COL4A2: variants seen among roughly 807,000 people sequenced by gnomAD.
COL4A2 encodes collagen type IV alpha 2 chain, also known as collagen alpha-2(IV) chain.
Under a neutral mutation model 200.2 loss-of-function variants are expected in COL4A2, and 99 were observed. The observed-to-expected ratio is 0.49, with a 90% CI of 0.42 to 0.58. The LOEUF is 0.58. Ranked by LOEUF, COL4A2 falls within the 20% of genes least tolerant of loss-of-function variation. COL4A2 has a pLI of 0.00. For synonymous variants in COL4A2, 897 were observed against 900.6 expected, an observed-to-expected ratio of 1.00 and a Z score of 0.07; for missense variants, 1,950 against 2,314.1, an observed-to-expected ratio of 0.84 and a Z score of 3.23.
intron 4 of COL4A2, among the ~76,000 whole-genome samples, chr13:110,379,890 G>A (rs927269619): frequency 1.3e-5 from 2 of 152,042 alleles, no homozygotes; most frequent in Non-Finnish European, 2.9e-5. Flanking sequence ...TTAGCAACCC[G>A]CTCCGCCTTG....
chr13:110,347,779 C>T (rs1876773973), intron 3 of COL4A2, among the ~76,000 whole-genome samples: 1 of 152,254 alleles, frequency 6.6e-6, no homozygotes, highest in South Asian at 2.1e-4. Context: ...GTGTGGAAAA[C>T]ACCCAGACAT....
rs1252712658 is a variant in COL4A2 at position 110,508,104 on chromosome 13, C to T, written c.4764C>T (p.Ser1588=). ...VAEDEIKPYI[S]RCSVCEAPAI... ...AGGACGAGATCAAGCCCTACATCAG[C>T]CGCTGTTCTGTGTGTGAGGCCCCGG... Residue 1588 remains serine (S), a synonymous_variant, in exon 47 of 48, where the codon AGC becomes AGT. Coordinates refer to ENST00000360467, the MANE Select transcript of COL4A2 (RefSeq NM_001846.4). The surrounding 1 kb of genome is among the most constrained non-coding windows in gnomAD (Gnocchi z 6.1). 2 of 1,614,152 alleles carry T rather than the reference C, an allele frequency of 1.2e-6. No homozygotes were observed. The highest frequency in any genetic ancestry group is 2.2e-5 in the East Asian group (1 of 44,900).
Position 110,485,522 on chromosome 13 carries a change from CAAAAAAAAAAAAAA to C in COL4A2, c.3026-122_3026-109del, listed in dbSNP as rs34819988. ...TGGGCGACAGAGCGAGACTCCGTCT[CAAAAAAAAAAAAAA>C]AAAAAAAAAAGATTCACAGCACGTA... On this transcript the variant is annotated intron_variant, in intron 33 of 47. Transcript: ENST00000360467. 1.8e-4 allele frequency: 66 copies of C among 360,062 alleles called. No homozygotes were observed. In the African/African-American group the frequency reaches 2.2e-3, roughly 12 times the overall value. The allele number at this position is 360,062 out of a possible 1,614,324, so 22.3% of individuals were successfully genotyped here.
chr13:110,393,789 G>A (rs1300474475), intron 4 of COL4A2, among the ~76,000 whole-genome samples: 1 of 152,098 alleles, frequency 6.6e-6, no homozygotes, highest in Non-Finnish European at 1.5e-5. Context: ...GGAAGCAAGA[G>A]AATCACTTGA....
At chr13:110,441,783 A>G (rs964050144) in intron 16 of COL4A2, among the ~76,000 whole-genome samples, 3 of 152,124 alleles carry the variant, frequency 2.0e-5, no homozygotes, top group African/African-American at 7.2e-5. Flanking sequence ...TCTTCAACAC[A>G]AGGGACTTGT....
chr13:110,403,314 C>CTA (rs1311830197), intron 4 of COL4A2, among the ~76,000 whole-genome samples: 1 of 152,206 alleles, frequency 6.6e-6, no homozygotes, highest in Non-Finnish European at 1.5e-5. Flanking sequence ...TTACACTTTA[C>CTA]TATAGGCAGT....
chr13:110,457,907 G>A (rs1486129595), intron 21 of COL4A2, among the ~76,000 whole-genome samples: 3 of 152,128 alleles, frequency 2.0e-5, no homozygotes, highest in African/African-American at 4.8e-5. Flanking sequence ...CTCCCTTCCC[G>A]TTGATGAGGA....
At position 110,439,539 on chromosome 13, in the gene COL4A2, C is replaced by T. The variant is rs79191550; in HGVS notation, c.913-250C>T. Among the ~76,000 whole-genome samples, 1,076 of 152,276 alleles carry T rather than the reference C, an allele frequency of 7.1e-3. 8 individuals carry two copies. The highest frequency in any genetic ancestry group is 0.022 in the African/African-American group (921 of 41,544). ...AGATTAGGATGGATTCTGCTTTCTTCGAGCCTTTTTATCATAGTCATTATT... is the reference window on the plus strand; with the variant it reads ...AGATTAGGATGGATTCTGCTTTCTTTGAGCCTTTTTATCATAGTCATTATT... On this transcript the variant is annotated intron_variant, in intron 15 of 47. Coordinates refer to ENST00000360467, the MANE Select transcript of COL4A2 (RefSeq NM_001846.4).
At chr13:110,353,491 C>T (rs1877050620) in intron 3 of COL4A2, among the ~76,000 whole-genome samples, 3 of 152,172 alleles carry the variant, frequency 2.0e-5, no homozygotes, top group Non-Finnish European at 4.4e-5. Context: ...TGGGACACCA[C>T]ATAGCAGTCC....
At chr13:110,372,493 A>G (rs976068669) in intron 4 of COL4A2, among the ~76,000 whole-genome samples, 1 of 152,182 alleles carries the variant, frequency 6.6e-6, no homozygotes, top group Non-Finnish European at 1.5e-5. Flanking sequence ...AAAAATAATC[A>G]GTGTTATGCT....
chr13:110,454,916 C>G (rs577934844), intron 20 of COL4A2, among the ~76,000 whole-genome samples: 170 of 152,226 alleles, frequency 1.1e-3, no homozygotes, highest in Non-Finnish European at 1.4e-3. Flanking sequence ...TCCGTCCCCA[C>G]CCCCTGCCAC....
In COL4A2 at chr13:110,364,516, C is replaced by G. The variant is rs151328667; in HGVS notation, c.180+6964C>G. Among the ~76,000 whole-genome samples, 73 of 152,304 alleles carry G rather than the reference C, an allele frequency of 4.8e-4. No homozygotes were observed. The East Asian group carries it at 0.013, about 26-fold the overall frequency. Reference sequence around the variant, plus strand: ...CTCTTTGTCAGCTGCATAATTAACTCAATTCTACCACAATTTATTAAAAGT... The same window carrying G: ...CTCTTTGTCAGCTGCATAATTAACTGAATTCTACCACAATTTATTAAAAGT... On this transcript the variant is annotated intron_variant, in intron 4 of 47. Coordinates refer to ENST00000360467, the MANE Select transcript of COL4A2 (RefSeq NM_001846.4).
intron 21 of COL4A2, among the ~76,000 whole-genome samples, chr13:110,457,901 C>A (rs1881839076): frequency 6.6e-6 from 1 of 152,124 alleles, no homozygotes; most frequent in Non-Finnish European, 1.5e-5. Flanking sequence ...CCGGGTCTCC[C>A]TTCCCGTTGA....
chr13:110,497,417 C>T lies in COL4A2; in HGVS notation c.3760+1950C>T, dbSNP rs1057324856. ...TCCACTCAGGACTGAGGATTTAGGT[C>T]AATCCACCAGCACAACCTCCACTCA... On this transcript the variant is annotated intron_variant, in intron 40 of 47. Coordinates refer to ENST00000360467, the MANE Select transcript of COL4A2 (RefSeq NM_001846.4). Among the ~76,000 whole-genome samples, 8 of 151,284 alleles carry T rather than the reference C, an allele frequency of 5.3e-5. No homozygotes were observed. In the East Asian group the frequency reaches 1.2e-3, roughly 23 times the overall value.
intron 3 of COL4A2, among the ~76,000 whole-genome samples, chr13:110,309,136 T>C (rs1043743788): frequency 2.0e-5 from 3 of 152,350 alleles, no homozygotes; most frequent in African/African-American, 4.8e-5. Flanking sequence ...TGTTTTTACA[T>C]CGTTCTGCCC....
intron 10 of COL4A2, 90 bp downstream of exon 10, chr13:110,430,697 G>C: frequency 1.3e-6 from 2 of 1,531,174 alleles, no homozygotes; most frequent in Non-Finnish European, 1.8e-6. Flanking sequence ...CTCCAGATGA[G>C]AGCTTTAAGA....
chr13:110,512,512 A>T lies in COL4A2; in HGVS notation c.*321A>T. The T allele has an allele frequency of 2.9e-6, 1 of 348,464 alleles. No individual in the cohort carries two copies. The highest frequency in any genetic ancestry group is 5.2e-6 in the Non-Finnish European group (1 of 191,556). 21.6% of individuals were successfully genotyped at this position (348,464 alleles called of 1,614,324 possible). A position where few individuals can be genotyped will look rare whatever the true frequency, so the allele number is the denominator to read the frequency against. ...ACCACTGCACTTTCCAATGCCACAG[A>T]CAACTCACATTGTTCAACTCCCTTC... is the stretch of plus-strand genomic sequence containing the variant. On this transcript the variant is annotated 3_prime_UTR_variant, in exon 48 of 48. Transcript: ENST00000360467.
rs190572211 is a variant in COL4A2 at position 110,505,146 on chromosome 13, C to T, written c.4402+882C>T. 2.3e-3 allele frequency among the ~76,000 whole-genome samples: 344 copies of T among 151,160 alleles called. 4 individuals carry two copies. The East Asian group carries it at 0.031, about 14-fold the overall frequency. ...TGGGCGGATCACAAGGGCAGGAGAT[C>T]GAGACCATCCTGGCTAACACGGTGA... is the stretch of plus-strand genomic sequence containing the variant. On this transcript the variant is annotated intron_variant, in intron 45 of 47. Coordinates refer to ENST00000360467, the MANE Select transcript of COL4A2 (RefSeq NM_001846.4).
chr13:110,474,588 A>G (rs1882604484), intron 29 of COL4A2, among the ~76,000 whole-genome samples: 1 of 152,310 alleles, frequency 6.6e-6, no homozygotes, highest in East Asian at 1.9e-4. Context: ...GGTCACACTC[A>G]TGCACATGCA....
Sources: gnomAD v4.1 joint callset for allele counts (sites outside exome capture counted in the v4.1 genomes callset) on GRCh38, gnomAD v4.1.1 for gene constraint, Gnocchi (gnomAD v3.1) non-coding constraint, MANE v1.5 for transcripts, NCBI Gene and HGNC (gene_info 2026-07-23, HGNC 2026-07-21) for gene names.